LHX8: variants seen among roughly 807,000 people sequenced by gnomAD.
LHX8 encodes LIM homeobox 8, also known as LIM/homeobox protein Lhx8.
LHX8 carries 12 observed loss-of-function variants against 40.3 expected under a neutral mutation model. The observed-to-expected ratio is 0.30, with a 90% CI of 0.19 to 0.48. The LOEUF (loss-of-function observed/expected upper bound fraction) is 0.48, where lower values mean the gene tolerates loss of function less well. LHX8 is among the 20% of genes least tolerant of loss of function. The pLI is 0.99. For missense variants in LHX8, 344 were observed against 433.7 expected (o/e 0.79, Z 1.84); for synonymous variants, 179 against 162.0 (o/e 1.10, Z -0.80).
chr1:75,148,454 C>T, intron 6 of LHX8, 133 bp from the exon 7 acceptor site: 1 of 708,534 alleles, frequency 1.4e-6, no homozygotes, highest in South Asian at 1.5e-5. Context: ...ACCCATATTT[C>T]CCCATACCGA....
At chr1:75,187,620 G>A in the LHX8 span, among the ~76,000 whole-genome samples, 1 of 152,108 alleles carries the variant, frequency 6.6e-6, no homozygotes, top group African/African-American at 2.4e-5. Flanking sequence ...AGGCATAGTG[G>A]AGCAAGGGAG....
chr1:75,160,623 G>T (rs1648891754), intron 8 of LHX8, 196 bp from the exon 9 acceptor site: 1 of 589,488 alleles, frequency 1.7e-6, no homozygotes, highest in Non-Finnish European at 3.0e-6. Flanking sequence ...ATAAAGATTT[G>T]GGGGTAAAAC....
At chr1:75,163,395 A>G (rs534043813), downstream of LHX8, among the ~76,000 whole-genome samples, 1 of 152,340 alleles carries the variant, frequency 6.6e-6, no homozygotes, top group East Asian at 1.9e-4. Context: ...TGACTTTACC[A>G]GTTAGCAAAA....
chr1:75,143,242 T>A lies in LHX8; in HGVS notation c.484T>A (p.Ser162Thr), dbSNP rs761169415. ...CTGCTTTTCCTGCAAAAGGCAACTT[T>A]CCACAGGAGAGGAGTTTGCTTTGGT... Reference protein sequence around the residue: ...FACFSCKRQLSTGEEFALVEE... With the variant: ...FACFSCKRQLTTGEEFALVEE... Residue 162 changes from serine to threonine, a missense_variant, in exon 5 of 9, where the codon TCC becomes ACC. This residue lies in a region of LHX8 where 147 missense variants were observed against 250.8 expected (regional missense o/e 0.59). Coordinates refer to ENST00000356261, the MANE Select transcript of LHX8 (RefSeq NM_001256114.2). The A allele has an allele frequency of 6.2e-7, 1 of 1,613,870 alleles. No homozygotes were observed. Among genetic ancestry groups the A allele is most frequent in the Non-Finnish European group, 8.5e-7 (1 of 1,179,804 alleles).
the LHX8 span, among the ~76,000 whole-genome samples, chr1:75,198,799 C>T: frequency 1.3e-5 from 2 of 152,050 alleles, no homozygotes; most frequent in African/African-American, 4.8e-5. Flanking sequence ...GAAATTCAGA[C>T]TTTTGTAAGC....
upstream of LHX8, among the ~76,000 whole-genome samples, chr1:75,134,381 A>C (rs1461375676): frequency 1.3e-5 from 2 of 152,138 alleles, no homozygotes; most frequent in East Asian, 3.9e-4. Context: ...GGACTCAGGA[A>C]AAGCTCAGTG....
chr1:75,180,943 C>G, the LHX8 span, among the ~76,000 whole-genome samples: 148 of 152,306 alleles, frequency 9.7e-4, 2 homozygotes, highest in Non-Finnish European at 1.2e-4. Flanking sequence ...TTCTATCAGT[C>G]AGATCCCTCA....
intron 3 of LHX8, among the ~76,000 whole-genome samples, chr1:75,137,678 A>G (rs1360601685): frequency 6.6e-6 from 1 of 152,222 alleles, no homozygotes; most frequent in Non-Finnish European, 1.5e-5. Flanking sequence ...TCTCCACCCC[A>G]GTGACGCCCA....
chr1:75,157,028 G>A lies in LHX8; in HGVS notation c.916G>A (p.Val306Met), dbSNP rs374046822. 11 of 1,614,022 alleles carry A rather than the reference G, an allele frequency of 6.8e-6. No individual in the cohort carries two copies. Among genetic ancestry groups the A allele is most frequent in the Admixed American group, 5.0e-5 (3 of 59,994 alleles). ...MLEEMAYSAY[V>M]PQDGTMLTAL... ...AGAAGAAATGGCTTATTCTGCCTAC[G>A]TGCCCCAAGATGGAACGATGTTAAC... The change falls in exon 8 of 9, where the codon GTG becomes ATG. Residue 306 changes from valine to methionine, a missense_variant. Transcript: ENST00000356261.
At chr1:75,170,799 C>T in the LHX8 span, among the ~76,000 whole-genome samples, 246 of 152,276 alleles carry the variant, frequency 1.6e-3, 1 homozygote, top group African/African-American at 5.7e-3. Context: ...TTGAGAAACC[C>T]TGAGACTGTA....
At chr1:75,174,034 A>G in the LHX8 span, among the ~76,000 whole-genome samples, 1 of 152,162 alleles carries the variant, frequency 6.6e-6, no homozygotes, top group Non-Finnish European at 1.5e-5. Flanking sequence ...AGAAAAAAAA[A>G]AAGTCAGAAA....
intron 4 of LHX8, among the ~76,000 whole-genome samples, chr1:75,142,753 T>C (rs1161476735): frequency 6.6e-6 from 1 of 152,200 alleles, no homozygotes; most frequent in African/African-American, 2.4e-5. Context: ...TTTGCACTTT[T>C]AGATTTTCAG....
At chr1:75,180,168 T>C in the LHX8 span, among the ~76,000 whole-genome samples, 3 of 152,152 alleles carry the variant, frequency 2.0e-5, no homozygotes, top group African/African-American at 7.2e-5. Flanking sequence ...ATAATGTGTC[T>C]TGGGGTTGCT....
chr1:75,189,562 A>G, the LHX8 span, among the ~76,000 whole-genome samples: 1 of 152,200 alleles, frequency 6.6e-6, no homozygotes, highest in South Asian at 2.1e-4. Flanking sequence ...AGCTAATGAA[A>G]CAAAAAAAGT....
intron 6 of LHX8, 77 bp from the exon 7 acceptor site, chr1:75,148,510 T>C: frequency 1.0e-6 from 1 of 985,106 alleles, no homozygotes; most frequent in Non-Finnish European, 1.6e-6. Flanking sequence ...ATGTCTTACC[T>C]CTTATGATAA....
At chr1:75,135,699 G>A (rs1448949461) in intron 1 of LHX8, among the ~76,000 whole-genome samples, 1 of 152,242 alleles carries the variant, frequency 6.6e-6, no homozygotes, top group African/African-American at 2.4e-5. Context: ...CAAAACTCCA[G>A]CAAATACTTG....
rs1250460508 is a variant in LHX8, at chr1:75,149,705, G to A, written c.780+1023G>A. ...TGGGACCACAGTTGCACACCACCAC[G>A]CCTGGCTAATTTTTAAATTTTTGTA... On this transcript the variant is annotated intron_variant, in intron 7 of 8. Coordinates refer to ENST00000356261, the MANE Select transcript of LHX8 (RefSeq NM_001256114.2). Among the ~76,000 whole-genome samples the A allele has an allele frequency of 2.6e-5, 4 of 152,142 alleles. No homozygotes were observed. In the East Asian group the frequency reaches 5.8e-4, roughly 22 times the overall value.
chr1:75,149,879 C>T (rs961856078), intron 7 of LHX8, among the ~76,000 whole-genome samples: 1 of 152,118 alleles, frequency 6.6e-6, no homozygotes, highest in African/African-American at 2.4e-5. Flanking sequence ...ACACTGATGA[C>T]AGTTGATGGA....
chr1:75,198,235 T>A, the LHX8 span, among the ~76,000 whole-genome samples: 14 of 152,186 alleles, frequency 9.2e-5, no homozygotes, highest in Non-Finnish European at 2.1e-4. Context: ...TCTCATTTAC[T>A]CTGGCCTGGG....
Sources: allele counts gnomAD v4.1 joint callset (sites outside exome capture counted in the v4.1 genomes callset), GRCh38; gene constraint gnomAD v4.1.1; regional missense constraint gnomAD v4.1.1; transcripts MANE v1.5; gene names NCBI Gene and HGNC (gene_info 2026-07-23, HGNC 2026-07-21).